GLRX3: variants seen among roughly 807,000 people sequenced by gnomAD.
GLRX3 encodes glutaredoxin-3.
Under a neutral mutation model 49.5 loss-of-function variants are expected in GLRX3, and 22 were observed. The observed-to-expected ratio is 0.44, with a 90% confidence interval of 0.32 to 0.63. GLRX3 has a LOEUF of 0.63. Ranked by LOEUF, GLRX3 falls within the 30% of genes least tolerant of loss-of-function variation. The probability of loss-of-function intolerance (pLI) is 0.05; values close to 1 mark genes in which losing one functional copy is unlikely to be tolerated. For missense variants in GLRX3, 385 were observed against 396.3 expected, an observed-to-expected ratio of 0.97 and a Z score of 0.24; for synonymous variants, 133 against 140.0, an observed-to-expected ratio of 0.95 and a Z score of 0.35.
chr10:130,136,391 A>C lies in GLRX3; in HGVS notation c.-30A>C, dbSNP rs975020914. The C allele has an allele frequency of 1.9e-5, 24 of 1,244,454 alleles. No homozygotes were observed. The African/African-American group carries it at 3.1e-4, about 16-fold the overall frequency. The allele number at this position is 1,244,454 out of a possible 1,614,324, so 77.1% of individuals were successfully genotyped here. A position where few individuals can be genotyped will look rare whatever the true frequency, so the allele number is the denominator to read the frequency against. ...GCCCCGCCCACATCCGGCCGCCGGC[A>C]CTGGATTGCTTCTGTCTGGCGGCGG... On this transcript the variant is annotated 5_prime_UTR_variant, in exon 1 of 11. Transcript: ENST00000331244.
At chr10:130,148,145 CT>C (rs200961945) in intron 2 of GLRX3, among the ~76,000 whole-genome samples, 1 of 151,656 alleles carries the variant, frequency 6.6e-6, no homozygotes, top group Non-Finnish European at 1.5e-5. Flanking sequence ...ATTTCTTAGT[CT>C]TTTTTTTGGA....
At chr10:130,142,850 A>G (rs1397137576) in intron 1 of GLRX3, among the ~76,000 whole-genome samples, 1 of 151,966 alleles carries the variant, frequency 6.6e-6, no homozygotes, top group African/African-American at 2.4e-5. Flanking sequence ...TCTCTGCTTT[A>G]CTACATAAGT....
At chr10:130,156,342 C>T (rs566463822) in intron 2 of GLRX3, among the ~76,000 whole-genome samples, 6 of 152,268 alleles carry the variant, frequency 3.9e-5, no homozygotes, top group South Asian at 4.1e-4. Flanking sequence ...AGGGCATAGC[C>T]GTCTTGGCCT....
intron 2 of GLRX3, 24 bp downstream of exon 2, chr10:130,145,343 C>G: frequency 9.5e-7 from 1 of 1,049,128 alleles, no homozygotes; most frequent in South Asian, 1.3e-5. Flanking sequence ...AATGTCATGT[C>G]TTTTGTGAAT....
chr10:130,175,187 C>G (rs1590074985), intron 10 of GLRX3, 98 bp downstream of exon 10: 1 of 739,566 alleles, frequency 1.4e-6, no homozygotes, highest in East Asian at 2.6e-5. Flanking sequence ...TTGTTTTTGA[C>G]TCCTGTTTCC....
chr10:130,174,626 G>GC (rs1475069291), intron 8 of GLRX3, among the ~76,000 whole-genome samples: 22 of 152,284 alleles, frequency 1.4e-4, no homozygotes, highest in Middle Eastern at 6.8e-3. Flanking sequence ...GAAGAAGTTT[G>GC]CCCACCCCTG....
rs1862857879 is a variant in GLRX3, at chr10:130,173,632, G to A, written c.825-1235G>A. ...CTCCACATACATACACTTGGGCCCA[G>A]TGCTTCCTGGATCCTTTATGAATAG... On this transcript the variant is annotated intron_variant, in intron 8 of 10. Transcript: ENST00000331244. 3.9e-5 allele frequency among the ~76,000 whole-genome samples: 6 copies of A among 152,308 alleles called. 1 individual carries two copies. The South Asian group carries it at 1.2e-3, about 32-fold the overall frequency.
At chr10:130,159,155 A>T (rs992148400) in intron 2 of GLRX3, among the ~76,000 whole-genome samples, 15 of 152,346 alleles carry the variant, frequency 9.8e-5, no homozygotes, top group Admixed American at 8.5e-4. Context: ...GTGAATACAG[A>T]TTTTTATTGG....
At chr10:130,176,616 T>TAAACAAACTGTCATACTTCTTAAAC (rs908350767) in intron 10 of GLRX3, among the ~76,000 whole-genome samples, 3 of 152,100 alleles carry the variant, frequency 2.0e-5, no homozygotes, top group Non-Finnish European at 4.4e-5. Context: ...TCATACTTCT[T>TAAACAAACTGTCATACTTCTTAAAC]AAACAAGCCA....
intron 2 of GLRX3, among the ~76,000 whole-genome samples, chr10:130,145,824 CAG>C (rs1254119312): frequency 1.3e-5 from 2 of 150,316 alleles, no homozygotes; most frequent in Middle Eastern, 3.2e-3. Flanking sequence ...TTTTTTGAGA[CAG>C]AGTCTTGTTC....
At chr10:130,176,750 TTCCCTCCCTCCCTCCC>T (rs889175535) in intron 10 of GLRX3, among the ~76,000 whole-genome samples, 1 of 125,882 alleles carries the variant, frequency 7.9e-6, no homozygotes, top group Admixed American at 8.4e-5. Context: ...CCCTCCCTCC[TTCCCTCCCTCCCTCCC>T]TCCCTCTTTC....
intron 4 of GLRX3, 147 bp from the exon 5 acceptor site, chr10:130,166,360 T>C: frequency 1.8e-6 from 1 of 565,794 alleles, no homozygotes; most frequent in Admixed American, 3.2e-5. Flanking sequence ...TCTTTGTATA[T>C]TATTCAGCCA....
intron 7 of GLRX3, among the ~76,000 whole-genome samples, chr10:130,170,971 AC>A (rs776217075): frequency 1.3e-5 from 2 of 152,102 alleles, no homozygotes; most frequent in Admixed American, 6.5e-5. Flanking sequence ...TACTAAAAAT[AC>A]AAAAAGTTTG....
intron 1 of GLRX3, among the ~76,000 whole-genome samples, chr10:130,137,645 G>T (rs1359653821): frequency 2.0e-5 from 3 of 152,180 alleles, no homozygotes; most frequent in African/African-American, 7.2e-5. Context: ...ATAATACAAT[G>T]CCTAGTATGC....
intron 2 of GLRX3, among the ~76,000 whole-genome samples, chr10:130,154,202 T>G (rs2134891122): frequency 6.6e-6 from 1 of 152,330 alleles, no homozygotes; most frequent in Non-Finnish European, 1.5e-5. Context: ...GCGTAGTATT[T>G]GGGCAGAAGT....
At chr10:130,164,355 A>G (rs1862640523) in intron 4 of GLRX3, among the ~76,000 whole-genome samples, 1 of 152,228 alleles carries the variant, frequency 6.6e-6, no homozygotes, top group African/African-American at 2.4e-5. Flanking sequence ...TCTTATAACT[A>G]TTTCAGTTAA....
chr10:130,138,137 G>C (rs1485604446), intron 1 of GLRX3, among the ~76,000 whole-genome samples: 1 of 151,988 alleles, frequency 6.6e-6, no homozygotes, highest in African/African-American at 2.4e-5. Context: ...GCTCACTGCA[G>C]CCTCTACCTC....
chr10:130,158,257 G>T (rs7904662), intron 2 of GLRX3, among the ~76,000 whole-genome samples: 31,862 of 151,220 alleles, frequency 0.21, 3,446 homozygotes, highest in Middle Eastern at 0.28. Context: ...TAGTCGCCCA[G>T]GCTGGAGTGC....
intron 4 of GLRX3, among the ~76,000 whole-genome samples, chr10:130,165,119 CTT>C (rs1862656013): frequency 6.6e-6 from 1 of 152,122 alleles, no homozygotes; most frequent in Admixed American, 6.6e-5. Flanking sequence ...TGCAATTAAT[CTT>C]ATATTGAATT....
Sources: allele counts gnomAD v4.1 joint callset (sites outside exome capture counted in the v4.1 genomes callset), GRCh38; gene constraint gnomAD v4.1.1; transcripts MANE v1.5; gene names NCBI Gene and HGNC (gene_info 2026-07-23, HGNC 2026-07-21).